TRPM7: variants seen among roughly 807,000 people sequenced by gnomAD.
TRPM7 encodes the protein LTRPC ion channel family member 7.
TRPM7 carries 134 observed loss-of-function variants against 229.7 expected under a neutral mutation model. The ratio of observed to expected loss-of-function variants is 0.58; its 90% CI spans 0.51 to 0.67. The LOEUF (loss-of-function observed/expected upper bound fraction) is 0.67. Ranked by LOEUF, TRPM7 falls within the 30% of genes least tolerant of loss-of-function variation. TRPM7 has a pLI of 0.00. For missense variants in TRPM7, 1,901 were observed against 2,210.0 expected (o/e 0.86, Z 2.80); for synonymous variants, 699 against 715.2 (o/e 0.98, Z 0.36).
chr15:50,583,285 C>T (rs957405741), intron 28 of TRPM7, 126 bp from the exon 29 acceptor site: 24 of 520,640 alleles, frequency 4.6e-5, no homozygotes, highest in Admixed American at 3.4e-4. Flanking sequence ...TTCCTCAACA[C>T]GCTGAACACA....
intron 28 of TRPM7, among the ~76,000 whole-genome samples, chr15:50,584,530 T>C (rs886232070): frequency 1.3e-5 from 2 of 151,922 alleles, no homozygotes; most frequent in Non-Finnish European, 2.9e-5. Flanking sequence ...AACTGAAATA[T>C]GAGGATGCTG....
chr15:50,612,658 A>C lies in TRPM7; in HGVS notation c.1942T>G (p.Ser648Ala). ...CAGGCAACTAATGCTTTAGCCATTG[A>C]TTCTTCACCATGTTGCCATAAAAAA... Reference protein sequence around the residue: ...ARFLWQHGEESMAKALVACKI... With the variant: ...ARFLWQHGEEAMAKALVACKI... The change falls in exon 16 of 39, where the codon TCA becomes GCA. Residue 648 changes from serine to alanine, a missense_variant. Around this residue, in one of 8 missense-constraint regions of TRPM7, gnomAD observed 794 missense variants for 881.9 expected, o/e 0.90. Transcript: ENST00000646667. 2 of 1,614,174 alleles carry C rather than the reference A, an allele frequency of 1.2e-6. No individual in the cohort carries two copies. The highest frequency in any genetic ancestry group is 1.7e-6 in the Non-Finnish European group (2 of 1,180,016).
intron 1 of TRPM7, among the ~76,000 whole-genome samples, chr15:50,679,529 TATA>T (rs1175930531): frequency 2.5e-4 from 13 of 51,756 alleles, no homozygotes; most frequent in East Asian, 7.8e-4. Flanking sequence ...TATATATATA[TATA>T]TATATATTTT....
At chr15:50,604,041 T>C (rs562820006) in intron 21 of TRPM7, 2 of 152,276 alleles carry the variant, frequency 1.3e-5, no homozygotes, top group Admixed American at 6.5e-5. Context: ...GAATAAGGAA[T>C]AGCAATAGCT....
Position 50,679,520 on chromosome 15 carries a change from ATATATATATATATATATATT to A in TRPM7, c.3+6991_3+7010del, listed in dbSNP as rs1567129287. On this transcript the variant is annotated intron_variant, in intron 1 of 38. Coordinates refer to ENST00000646667, the MANE Select transcript of TRPM7 (RefSeq NM_017672.6). ...ATATGTGTATATATATAATATATATATATATATATATATATATATTTTTTTTTTTTTTTGAGACAGAGTCT... is the reference window on the plus strand; with the variant it reads ...ATATGTGTATATATATAATATATATATTTTTTTTTTTTTGAGACAGAGTCT... 6.6e-3 allele frequency among the ~76,000 whole-genome samples: 123 copies of A among 18,758 alleles called. 2 individuals carry two copies. Among genetic ancestry groups the A allele is most frequent in the African/African-American group, 0.015 (113 of 7,548 alleles). The allele number at this position is 18,758 out of a possible 152,430, so 12.3% of individuals were successfully genotyped here.
chr15:50,668,393 T>G (rs1247708746), intron 1 of TRPM7, among the ~76,000 whole-genome samples: 1 of 152,244 alleles, frequency 6.6e-6, no homozygotes, highest in African/African-American at 2.4e-5. Context: ...TATTAACAAT[T>G]GAGTAAAGTA....
In TRPM7 at chr15:50,578,558, C is replaced by T. The variant is rs2054247965; in HGVS notation, c.4618+81G>A. 4 of 1,387,764 alleles carry T rather than the reference C, an allele frequency of 2.9e-6. No individual in the cohort carries two copies. The South Asian group carries it at 4.9e-5, about 17-fold the overall frequency. The allele number at this position is 1,387,764 out of a possible 1,614,324, so 86.0% of individuals were successfully genotyped here. ...CTAGCTTGAAGTCTAAAATATCTTA[C>T]CTAGAATAATGTGGTGTTTGCTGTA... On this transcript the variant is annotated intron_variant, in intron 31 of 38. Coordinates refer to ENST00000646667, the MANE Select transcript of TRPM7 (RefSeq NM_017672.6).
intron 25 of TRPM7, among the ~76,000 whole-genome samples, chr15:50,593,162 G>A (rs535157619): frequency 2.6e-5 from 4 of 152,040 alleles, no homozygotes; most frequent in Non-Finnish European, 5.9e-5. Flanking sequence ...GGTGGTGCAC[G>A]CCGGTAATCC....
At position 50,644,888 on chromosome 15, in the gene TRPM7, T is replaced by C. The variant is rs1325911803; in HGVS notation, c.322-1335A>G. On this transcript the variant is annotated intron_variant, in intron 4 of 38. Coordinates refer to ENST00000646667, the MANE Select transcript of TRPM7 (RefSeq NM_017672.6). The stretch of plus-strand genomic sequence containing the variant: ...GTAGAAGACTGGAGTCCCTTAAGAA[T>C]ACTTTGGTTTTTGGTTTTGTTTTGT... Among the ~76,000 whole-genome samples, 5 of 147,608 alleles carry C rather than the reference T, an allele frequency of 3.4e-5. No individual in the cohort carries two copies. The East Asian group carries it at 6.0e-4, about 18-fold the overall frequency.
chr15:50,662,456 G>A (rs1391425103), intron 2 of TRPM7, among the ~76,000 whole-genome samples: 2 of 151,948 alleles, frequency 1.3e-5, no homozygotes, highest in Non-Finnish European at 2.9e-5. Flanking sequence ...AGCCATCTTA[G>A]AGACCAAAGA....
Position 50,637,529 on chromosome 15 carries a change from T to C in TRPM7, c.725A>G (p.His242Arg), listed in dbSNP as rs2060944752. 1 of 1,614,024 alleles carries C rather than the reference T, an allele frequency of 6.2e-7. No individual in the cohort carries two copies. The highest frequency in any genetic ancestry group is 8.5e-7 in the Non-Finnish European group (1 of 1,180,014). ...LSKLNVLNNL[H>R]SHFILVDDGT... ...ATCATCCACCAATATGAAATGGGAA[T>C]GCAGATTATTCAAAACATTCAATTT... The change falls in exon 7 of 39, where the codon CAT (histidine) becomes CGT (arginine). Residue 242 changes from histidine to arginine, a missense_variant. Around this residue, in one of 8 missense-constraint regions of TRPM7, gnomAD observed 794 missense variants for 881.9 expected, o/e 0.90. Transcript: ENST00000646667.
chr15:50,650,192 CAAAAAAAAAAAAAAAAAAAA>C (rs59579538), intron 3 of TRPM7, among the ~76,000 whole-genome samples: 1 of 62,302 alleles, frequency 1.6e-5, no homozygotes, highest in Non-Finnish European at 2.7e-5. Flanking sequence ...GACTTTGTCT[CAAAAAAAAAAAAAAAAAAAA>C]AAAAAAAAAG....
At chr15:50,624,924 T>C (rs925246009) in intron 11 of TRPM7, among the ~76,000 whole-genome samples, 3 of 152,200 alleles carry the variant, frequency 2.0e-5, no homozygotes, top group African/African-American at 7.2e-5. Context: ...TCTTCAGAAC[T>C]TTAAAAGAAA....
At chr15:50,614,053 T>C in intron 14 of TRPM7, 70 bp downstream of exon 14, 1 of 1,434,224 alleles carries the variant, frequency 7.0e-7, no homozygotes, top group Non-Finnish European at 9.5e-7. Context: ...CTAATGTTAA[T>C]TCTTAACAAT....
At chr15:50,569,831 G>C in intron 38 of TRPM7, 56 bp downstream of exon 38, 1 of 1,167,936 alleles carries the variant, frequency 8.6e-7, no homozygotes, top group Non-Finnish European at 1.2e-6. Context: ...ATGAGGTATT[G>C]TAGTAACCAA....
At chr15:50,595,686 C>A (rs975068657) in intron 23 of TRPM7, among the ~76,000 whole-genome samples, 4 of 151,698 alleles carry the variant, frequency 2.6e-5, no homozygotes, top group African/African-American at 9.7e-5. Flanking sequence ...CATGGTGAAA[C>A]CTCATCTCTA....
intron 4 of TRPM7, among the ~76,000 whole-genome samples, chr15:50,648,421 G>T (rs542577521): frequency 6.6e-6 from 1 of 152,062 alleles, no homozygotes; most frequent in African/African-American, 2.4e-5. Context: ...GGTTAAAACC[G>T]AAAAGGAAGA....
intron 33 of TRPM7, 149 bp from the exon 34 acceptor site, chr15:50,575,284 A>T (rs1474125611): frequency 6.7e-6 from 4 of 601,020 alleles, no homozygotes. Context: ...TAATAGCAAT[A>T]GGTAAGAAAT....
At position 50,624,238 on chromosome 15, in the gene TRPM7, T is replaced by C; in HGVS notation, c.1368A>G (p.Lys456=). 1.2e-6 allele frequency: 2 copies of C among 1,612,956 alleles called. No homozygotes were observed. The highest frequency in any genetic ancestry group is 2.2e-5 in the South Asian group (2 of 90,834). ...ALVMDRVAFV[K]LLIENGVSMH... is the part of the protein sequence containing the mutation. ...TGCTTACTCCATTTTCAATAAGAAG[T>C]TTTACAAATGCAACTCTATCCATTA... is the stretch of plus-strand genomic sequence containing the variant. The change falls in exon 12 of 39, where the codon AAA becomes AAG. Residue 456 remains lysine, a synonymous_variant. Coordinates refer to ENST00000646667, the MANE Select transcript of TRPM7 (RefSeq NM_017672.6).
Sources: gnomAD v4.1 joint callset for allele counts (sites outside exome capture counted in the v4.1 genomes callset) on GRCh38, gnomAD v4.1.1 for gene constraint, gnomAD v4.1.1 regional missense constraint, MANE v1.5 for transcripts, NCBI Gene and HGNC (gene_info 2026-07-23, HGNC 2026-07-21) for gene names.